Variants in TRAPPC6A observed in about 807,000 individuals in gnomAD.
TRAPPC6A encodes TRAPP complex subunit 6A.
In TRAPPC6A, 25 loss-of-function variants were observed where a neutral mutation model predicts 20.8. That is an observed-to-expected ratio of 1.20 (90% CI 0.88 to 1.68). The LOEUF is 1.68. Ranked by LOEUF, TRAPPC6A falls within the 40% of genes most tolerant of loss-of-function variation. The pLI is 0.00. For synonymous variants in TRAPPC6A, 96 were observed against 93.3 expected (o/e 1.03, Z -0.16); for missense variants, 215 against 211.6 (o/e 1.02, Z -0.10).
intron 1 of TRAPPC6A, among the ~76,000 whole-genome samples, chr19:45,165,599 T>G (rs1285120366): frequency 1.3e-5 from 2 of 152,168 alleles, no homozygotes; most frequent in African/African-American, 4.8e-5. Context: ...ACCAAGATGC[T>G]CCAGGTGACC....
At chr19:45,165,219 C>T in intron 1 of TRAPPC6A, 25 bp from the exon 2 acceptor site, 1 of 1,576,968 alleles carries the variant, frequency 6.3e-7, no homozygotes, top group Non-Finnish European at 8.6e-7. Context: ...GAGAGATGCT[C>T]AGGGGCCCTT....
chr19:45,174,323 TA>T (rs1207559581), intron 1 of TRAPPC6A, among the ~76,000 whole-genome samples: 3 of 151,976 alleles, frequency 2.0e-5, no homozygotes, highest in African/African-American at 2.4e-5. Flanking sequence ...GCACTGCTCA[TA>T]AGCCAAATGA....
chr19:45,168,171 T>A (rs914804584), intron 1 of TRAPPC6A, among the ~76,000 whole-genome samples: 2 of 151,982 alleles, frequency 1.3e-5, no homozygotes, highest in Non-Finnish European at 2.9e-5. Context: ...CCCAGCTAAT[T>A]TTTTTGTATT....
chr19:45,176,362 G>C (rs1398714608), intron 1 of TRAPPC6A, among the ~76,000 whole-genome samples: 4 of 152,038 alleles, frequency 2.6e-5, no homozygotes, highest in Non-Finnish European at 5.9e-5. Flanking sequence ...TACTCAGGAG[G>C]CTGCGGCGGG....
At chr19:45,167,915 C>T (rs145754925) in intron 1 of TRAPPC6A, among the ~76,000 whole-genome samples, 1 of 151,506 alleles carries the variant, frequency 6.6e-6, no homozygotes, top group Non-Finnish European at 1.5e-5. Context: ...GGAGGATCAT[C>T]TGAGCCCAGG....
chr19:45,167,228 G>GTT (rs1311845538), intron 1 of TRAPPC6A, among the ~76,000 whole-genome samples: 1 of 152,114 alleles, frequency 6.6e-6, no homozygotes, highest in Non-Finnish European at 1.5e-5. Flanking sequence ...AAAGGACACC[G>GTT]TAAGTCCTTA....
chr19:45,173,949 C>T lies in TRAPPC6A; in HGVS notation c.84+4186G>A, dbSNP rs931668854. On this transcript the variant is annotated intron_variant, in intron 1 of 5. Transcript: ENST00000585934. The surrounding 1 kb of genome is among the most constrained non-coding windows in gnomAD (Gnocchi z 4.8). ...GTAGTGGCAGCTGGGTAGGGAACCCCTGCCCAAGGTCCCAGGCACATTCGT... is the reference window on the plus strand; with the variant it reads ...GTAGTGGCAGCTGGGTAGGGAACCCTTGCCCAAGGTCCCAGGCACATTCGT... Among the ~76,000 whole-genome samples the T allele has an allele frequency of 6.6e-6, 1 of 152,180 alleles. No individual in the cohort carries two copies. The highest frequency in any genetic ancestry group is 1.5e-5 in the Non-Finnish European group (1 of 68,026).
At chr19:45,178,052 C>G (rs1239919063) in intron 1 of TRAPPC6A, 83 bp downstream of exon 1, 6 of 1,598,522 alleles carry the variant, frequency 3.8e-6, no homozygotes, top group Non-Finnish European at 5.1e-6. Flanking sequence ...GGGTTCGAAC[C>G]CGGACGCCTG....
At chr19:45,165,233 C>A in intron 1 of TRAPPC6A, 39 bp from the exon 2 acceptor site, 1 of 1,559,050 alleles carries the variant, frequency 6.4e-7, no homozygotes, top group Non-Finnish European at 8.7e-7. Flanking sequence ...GGCCCTTAGC[C>A]ACCACGAACC....
rs977620363 is a variant in TRAPPC6A at position 45,163,104 on chromosome 19, A to C, written c.*88T>G. The C allele has an allele frequency of 1.3e-6, 2 of 1,535,754 alleles. No individual in the cohort carries two copies. Among genetic ancestry groups the C allele is most frequent in the Admixed American group, 3.5e-5 (2 of 56,794 alleles). ...TGACCCCTAGGGCCTGGGATTCCCA[A>C]GACCACCCCGAAATGCAGCGGCCCC... is the stretch of plus-strand genomic sequence containing the variant. On this transcript the variant is annotated 3_prime_UTR_variant, in exon 6 of 6. Coordinates refer to ENST00000585934, the MANE Select transcript of TRAPPC6A (RefSeq NM_001270891.2). The surrounding 1 kb of genome is among the most constrained non-coding windows in gnomAD (Gnocchi z 5.3).
intron 1 of TRAPPC6A, 69 bp downstream of exon 1, chr19:45,178,066 C>T (rs1228729019): frequency 1.3e-5 from 21 of 1,606,256 alleles, no homozygotes; most frequent in Non-Finnish European, 1.8e-5. Flanking sequence ...ACGCCTGACG[C>T]GCCCTCCGCT....
Position 45,163,881 on chromosome 19 carries a change from G to T in TRAPPC6A, c.448+35C>A, listed in dbSNP as rs1348061981. On this transcript the variant is annotated intron_variant, in intron 5 of 5. Coordinates refer to ENST00000585934, the MANE Select transcript of TRAPPC6A (RefSeq NM_001270891.2). This position sits in a 1 kb window ranked among gnomAD's most constrained non-coding sequence, Gnocchi z 5.3. ...ACTCTGAAGCCCCCAGCAACTCAAG[G>T]GATGAGAAGAATCCCCCCACCCCCC... 1 of 1,532,522 alleles carries T rather than the reference G, an allele frequency of 6.5e-7. No individual in the cohort carries two copies. The highest frequency in any genetic ancestry group is 8.9e-7 in the Non-Finnish European group (1 of 1,128,650). 94.9% of individuals were successfully genotyped at this position (1,532,522 alleles called of 1,614,324 possible). A position where few individuals can be genotyped will look rare whatever the true frequency, so the allele number is the denominator to read the frequency against.
chr19:45,163,138 C>T lies in TRAPPC6A; in HGVS notation c.*54G>A, dbSNP rs565469043. 1.2e-6 allele frequency: 2 copies of T among 1,611,318 alleles called. No homozygotes were observed. Among genetic ancestry groups the T allele is most frequent in the East Asian group, 4.5e-5 (2 of 44,816 alleles). Reference sequence around the variant, plus strand: ...CGAAATGCAGCGGCCCCACCGTCTCCTGAGGCCGGTGAGGCCAGGGGCAGC... The same window carrying T: ...CGAAATGCAGCGGCCCCACCGTCTCTTGAGGCCGGTGAGGCCAGGGGCAGC... On this transcript the variant is annotated 3_prime_UTR_variant, in exon 6 of 6. Transcript: ENST00000585934. This position sits in a 1 kb window ranked among gnomAD's most constrained non-coding sequence, Gnocchi z 5.3.
intron 1 of TRAPPC6A, 35 bp from the exon 2 acceptor site, chr19:45,165,229 T>G: frequency 6.4e-7 from 1 of 1,561,136 alleles, no homozygotes; most frequent in Non-Finnish European, 8.7e-7. Flanking sequence ...CAGGGGCCCT[T>G]AGCCACCACG....
chr19:45,177,191 GCACACA>G (rs57127361), intron 1 of TRAPPC6A, among the ~76,000 whole-genome samples: 13,927 of 147,934 alleles, frequency 0.094, 720 homozygotes, highest in South Asian at 0.13. Flanking sequence ...GCGCGTGCGC[GCACACA>G]CACACACACA....
chr19:45,164,082 C>T, intron 4 of TRAPPC6A, 73 bp from the exon 5 acceptor site: 4 of 1,551,320 alleles, frequency 2.6e-6, no homozygotes, highest in African/African-American at 1.4e-5. Context: ...ACCCCTTAGG[C>T]CTGGGGAAAG....
chr19:45,163,487 C>T lies in TRAPPC6A; in HGVS notation c.449-264G>A, dbSNP rs1310378382. Among the ~76,000 whole-genome samples the T allele has an allele frequency of 6.6e-6, 1 of 152,004 alleles. No homozygotes were observed. ...CCTACCCCACGGGGGCCCCGGGGGC[C>T]CCCATGAGTGGGCCTGGGGAACCGG... On this transcript the variant is annotated intron_variant, in intron 5 of 5. Transcript: ENST00000585934. The surrounding 1 kb of genome is among the most constrained non-coding windows in gnomAD (Gnocchi z 5.3).
intron 1 of TRAPPC6A, among the ~76,000 whole-genome samples, chr19:45,174,396 C>T (rs1478279066): frequency 6.6e-6 from 1 of 152,164 alleles, no homozygotes; most frequent in African/African-American, 2.4e-5. Flanking sequence ...CTCCTCAACA[C>T]GTCCACACTG....
In TRAPPC6A at chr19:45,164,842, G is replaced by A. The variant is rs1047602995; in HGVS notation, c.270+11C>T. The A allele has an allele frequency of 1.9e-6, 3 of 1,611,488 alleles. No individual in the cohort carries two copies. The highest frequency in any genetic ancestry group is 2.2e-5 in the East Asian group (1 of 44,878). ...GGAGGAAGCTGGACGGGCAGGCCGG[G>A]GTGCTCCCACCTGGTGATTGGTGCG... On this transcript the variant is annotated intron_variant, in intron 3 of 5. Coordinates refer to ENST00000585934, the MANE Select transcript of TRAPPC6A (RefSeq NM_001270891.2).
Sources: allele counts gnomAD v4.1 joint callset (sites outside exome capture counted in the v4.1 genomes callset), GRCh38; gene constraint gnomAD v4.1.1; non-coding constraint Gnocchi (gnomAD v3.1); transcripts MANE v1.5; gene names NCBI Gene and HGNC (gene_info 2026-07-23, HGNC 2026-07-21).